The following TENT5D variants were observed in gnomAD, a reference collection of about 807,000 sequenced individuals.
TENT5D encodes cancer/testis antigen 112.
For missense variants in TENT5D, 191 were observed against 287.0 expected, an observed-to-expected ratio of 0.67 and a Z score of 2.42; for synonymous variants, 103 against 100.6, an observed-to-expected ratio of 1.02 and a Z score of -0.15.
rs895046755 is a variant in TENT5D, at chrX:80,401,548, A to G, written c.-141-37062A>G. The stretch of plus-strand genomic sequence containing the variant: ...TGAGTATAATGTTAGCAGTGGGCCT[A>G]TTATATGTGACTTTTTTGTGTTGAA... On this transcript the variant is annotated intron_variant, in intron 3 of 4. Transcript: ENST00000538312. 5.4e-5 allele frequency among the ~76,000 whole-genome samples: 6 copies of G among 111,697 alleles called. 1 individual carries two copies. Among genetic ancestry groups the G allele is most frequent in the Admixed American group, 1.9e-4 (2 of 10,519 alleles).
chrX:80,441,125 G>A lies in TENT5D; in HGVS notation c.-18-1397G>A, dbSNP rs753287415. ...TTTAAGGATCGATTTGGATATTCACGTAGCTGATCAAACTGTATAAACATT... is the reference window on the plus strand; with the variant it reads ...TTTAAGGATCGATTTGGATATTCACATAGCTGATCAAACTGTATAAACATT... On this transcript the variant is annotated intron_variant, in intron 2 of 2. Coordinates refer to ENST00000308293, the Ensembl canonical transcript of TENT5D. 3.6e-5 allele frequency among the ~76,000 whole-genome samples: 4 copies of A among 111,176 alleles called. No individual in the cohort carries two copies. The East Asian group carries it at 1.1e-3, about 31-fold the overall frequency.
chrX:80,428,622 G>A (rs555909355), intron 1 of TENT5D, among the ~76,000 whole-genome samples: 3 of 112,289 alleles, frequency 2.7e-5, no homozygotes, highest in Non-Finnish European at 3.8e-5. Context: ...TTAAGTTAGG[G>A]AGTGAGTTTT....
At chrX:80,379,825 G>A (rs1276031955) in intron 3 of TENT5D, among the ~76,000 whole-genome samples, 1 of 109,629 alleles carries the variant, frequency 9.1e-6, no homozygotes, top group African/African-American at 3.3e-5. Flanking sequence ...CATTTTTATG[G>A]CACCTATTTG....
intron 2 of TENT5D, among the ~76,000 whole-genome samples, chrX:80,336,035 A>G (rs1474390659): frequency 1.8e-5 from 2 of 110,580 alleles, no homozygotes; most frequent in East Asian, 2.8e-4. Context: ...ATTAGACACT[A>G]TGGATTTATG....
At chrX:80,408,867 G>T (rs1375839529) in intron 3 of TENT5D, among the ~76,000 whole-genome samples, 3 of 109,635 alleles carry the variant, frequency 2.7e-5, no homozygotes, top group Admixed American at 1.9e-4. Flanking sequence ...CTGGCAAACC[G>T]AATCCAGCAG....
chrX:80,433,206 G>T (rs993851868), intron 1 of TENT5D, among the ~76,000 whole-genome samples: 1 of 112,359 alleles, frequency 8.9e-6, no homozygotes, highest in Non-Finnish European at 1.9e-5. Flanking sequence ...GCTGAGCCTT[G>T]TTCCCTTATT....
At chrX:80,408,412 G>A (rs1268670062) in intron 3 of TENT5D, among the ~76,000 whole-genome samples, 1 of 110,103 alleles carries the variant, frequency 9.1e-6, no homozygotes, top group African/African-American at 3.3e-5. Context: ...ATGATAAAGG[G>A]GATATCACCA....
chrX:80,352,833 G>T (rs1027556769), intron 3 of TENT5D, among the ~76,000 whole-genome samples: 4 of 110,412 alleles, frequency 3.6e-5, no homozygotes, highest in Non-Finnish European at 5.7e-5. Flanking sequence ...GCACACGAAG[G>T]AATTTCCTGG....
At chrX:80,412,770 ATAAT>A (rs199936674) in intron 3 of TENT5D, among the ~76,000 whole-genome samples, 1,552 of 111,917 alleles carry the variant, frequency 0.014, 35 homozygotes, top group African/African-American at 0.048. Flanking sequence ...CATTTTTGTC[ATAAT>A]TAATTATTAT....
At chrX:80,392,385 T>G (rs1381259627) in intron 3 of TENT5D, among the ~76,000 whole-genome samples, 1 of 110,434 alleles carries the variant, frequency 9.1e-6, no homozygotes, top group African/African-American at 3.3e-5. Context: ...GTTATGCTTT[T>G]CCACAAATAA....
At chrX:80,403,784 C>T (rs1569367690) in intron 3 of TENT5D, among the ~76,000 whole-genome samples, 2 of 111,680 alleles carry the variant, frequency 1.8e-5, no homozygotes, top group Non-Finnish European at 3.8e-5. Flanking sequence ...GGTGGATTGG[C>T]CCTTGTAACA....
chrX:80,364,273 C>T (rs775133480), intron 3 of TENT5D, among the ~76,000 whole-genome samples: 2 of 111,456 alleles, frequency 1.8e-5, no homozygotes, highest in Non-Finnish European at 3.8e-5. Flanking sequence ...TGCATATACA[C>T]CCATACACAC....
intron 1 of TENT5D, among the ~76,000 whole-genome samples, chrX:80,425,878 T>C (rs1931979102): frequency 9.1e-6 from 1 of 110,080 alleles, no homozygotes; most frequent in South Asian, 3.9e-4. Flanking sequence ...AATACAAAAA[T>C]TAGCTGAGCA....
chrX:80,417,434 G>A (rs931573268), upstream of TENT5D, among the ~76,000 whole-genome samples: 1 of 98,356 alleles, frequency 1.0e-5, no homozygotes, highest in Non-Finnish European at 2.0e-5. Context: ...GTGGTGGCTG[G>A]TAATAGTTTT....
intron 3 of TENT5D, among the ~76,000 whole-genome samples, chrX:80,383,749 G>A (rs1193063169): frequency 1.8e-5 from 2 of 111,196 alleles, no homozygotes; most frequent in Non-Finnish European, 3.8e-5. Flanking sequence ...CCAGCTACTC[G>A]GGAAGCTGAG....
chrX:80,415,367 A>G (rs1447360371), intron 3 of TENT5D, among the ~76,000 whole-genome samples: 2 of 111,407 alleles, frequency 1.8e-5, no homozygotes, highest in Non-Finnish European at 1.9e-5. Flanking sequence ...GAATGGGCAT[A>G]CCTGTCCTGT....
chrX:80,335,895 A>C (rs1367295262), intron 2 of TENT5D, among the ~76,000 whole-genome samples: 1 of 110,873 alleles, frequency 9.0e-6, no homozygotes, highest in East Asian at 2.8e-4. Context: ...ATGTATTCGC[A>C]CTAACTTTTT....
At chrX:80,398,619 G>A (rs918889246) in intron 3 of TENT5D, among the ~76,000 whole-genome samples, 1 of 110,282 alleles carries the variant, frequency 9.1e-6, no homozygotes, top group African/African-American at 3.3e-5. Context: ...TTTCATCCTC[G>A]TGTATATGGA....
upstream of TENT5D, among the ~76,000 whole-genome samples, chrX:80,418,455 C>T (rs1931820826): frequency 9.0e-6 from 1 of 111,500 alleles, no homozygotes; most frequent in African/African-American, 3.3e-5. Flanking sequence ...CAAAATGAGT[C>T]AAAAGAGAAT....
Sources: allele counts gnomAD v4.1 joint callset (sites outside exome capture counted in the v4.1 genomes callset), GRCh38; gene constraint gnomAD v4.1.1; transcripts MANE v1.5; gene names NCBI Gene and HGNC (gene_info 2026-07-23, HGNC 2026-07-21).